UTS2: variants seen among roughly 807,000 people sequenced by gnomAD.
UTS2 encodes the protein urotensin-2.
UTS2 carries 10 observed loss-of-function variants against 12.6 expected under a neutral mutation model. The observed-to-expected ratio is 0.80, with a 90% CI of 0.49 to 1.35. UTS2 has a LOEUF of 1.35. UTS2 is among the 40% of genes most tolerant of loss of function. The probability of loss-of-function intolerance (pLI) is 0.00; values close to 1 mark genes in which losing one functional copy is unlikely to be tolerated. For missense variants in UTS2, 142 were observed against 143.2 expected, an observed-to-expected ratio of 0.99 and a Z score of 0.04; for synonymous variants, 52 against 50.0, an observed-to-expected ratio of 1.04 and a Z score of -0.17.
chr1:7,851,854 C>T (rs2097414501), intron 1 of UTS2, among the ~76,000 whole-genome samples: 1 of 152,224 alleles, frequency 6.6e-6, no homozygotes, highest in Admixed American at 6.5e-5. Context: ...AGATGCTACA[C>T]TCATTTCATC....
At chr1:7,899,674 T>C in the UTS2 span, among the ~76,000 whole-genome samples, 31 of 152,128 alleles carry the variant, frequency 2.0e-4, no homozygotes, top group Non-Finnish European at 4.0e-4. Context: ...CACCTGTCTT[T>C]ATGATCTTTT....
the UTS2 span, among the ~76,000 whole-genome samples, chr1:7,861,780 G>T: frequency 2.6e-5 from 4 of 152,148 alleles, no homozygotes; most frequent in African/African-American, 9.7e-5. Context: ...ACAGCGTCTG[G>T]CAGGTGGTGT....
chr1:7,881,138 T>A, the UTS2 span, among the ~76,000 whole-genome samples: 52,002 of 152,102 alleles, frequency 0.34, 9,616 homozygotes, highest in South Asian at 0.45. Context: ...AGGAACATAC[T>A]TTAACATAAT....
chr1:7,900,781 C>CAA, the UTS2 span, among the ~76,000 whole-genome samples: 6 of 148,366 alleles, frequency 4.0e-5, no homozygotes, highest in African/African-American at 1.5e-4. Context: ...ATTCCATCTC[C>CAA]AAAAAAAAAA....
At chr1:7,865,866 G>C in the UTS2 span, among the ~76,000 whole-genome samples, 1 of 152,148 alleles carries the variant, frequency 6.6e-6, no homozygotes, top group East Asian at 1.9e-4. Flanking sequence ...AGCCCAGGAG[G>C]TCAGGGCTGC....
At chr1:7,889,489 G>C in the UTS2 span, among the ~76,000 whole-genome samples, 2 of 133,136 alleles carry the variant, frequency 1.5e-5, no homozygotes, top group Non-Finnish European at 3.3e-5. Context: ...GAAAAGAAAA[G>C]AAAGTAGAAT....
chr1:7,872,078 G>A, the UTS2 span, among the ~76,000 whole-genome samples: 13,018 of 151,960 alleles, frequency 0.086, 642 homozygotes, highest in South Asian at 0.13. Flanking sequence ...GAGGCGGGTG[G>A]ATCATGAGGT....
the UTS2 span, among the ~76,000 whole-genome samples, chr1:7,875,156 G>T: frequency 6.6e-6 from 1 of 151,336 alleles, no homozygotes; most frequent in Middle Eastern, 3.2e-3. Context: ...CTCACTGCAA[G>T]CTCCGCCTCC....
chr1:7,866,817 C>A, the UTS2 span, among the ~76,000 whole-genome samples: 1 of 152,096 alleles, frequency 6.6e-6, no homozygotes, highest in Admixed American at 6.5e-5. The surrounding 1 kb of genome is among the most constrained non-coding windows in gnomAD (Gnocchi z 4.5). Context: ...ACCATGGTAC[C>A]GGGCCTGGAA....
chr1:7,910,386 A>T, the UTS2 span, among the ~76,000 whole-genome samples: 5 of 150,038 alleles, frequency 3.3e-5, no homozygotes, highest in Non-Finnish European at 7.4e-5. Flanking sequence ...GTCCTGCCTC[A>T]CACCCAGAAG....
At chr1:7,870,126 C>T in the UTS2 span, among the ~76,000 whole-genome samples, 1 of 152,104 alleles carries the variant, frequency 6.6e-6, no homozygotes, top group Non-Finnish European at 1.5e-5. Context: ...TTGTGTACCC[C>T]CAAAACTCAT....
the UTS2 span, among the ~76,000 whole-genome samples, chr1:7,887,747 C>A: frequency 2.7e-5 from 4 of 147,236 alleles, no homozygotes; most frequent in Admixed American, 2.7e-4. Context: ...CAGAGCAAGA[C>A]CCTGTCTCTA....
chr1:7,878,909 G>T, the UTS2 span, among the ~76,000 whole-genome samples: 1 of 152,110 alleles, frequency 6.6e-6, no homozygotes, highest in Admixed American at 6.6e-5. Flanking sequence ...AGTGTTAAAA[G>T]AGACAAATAA....
At chr1:7,863,051 TTG>T in the UTS2 span, among the ~76,000 whole-genome samples, 30 of 57,888 alleles carry the variant, frequency 5.2e-4, no homozygotes, top group African/African-American at 1.4e-3. Flanking sequence ...TTGTATTGTA[TTG>T]TATTGTATTG....
At chr1:7,898,818 T>C in the UTS2 span, among the ~76,000 whole-genome samples, 1 of 152,134 alleles carries the variant, frequency 6.6e-6, no homozygotes, top group African/African-American at 2.4e-5. Flanking sequence ...CATCAGTGCC[T>C]GGAAATGTTC....
the UTS2 span, among the ~76,000 whole-genome samples, chr1:7,880,185 G>C: frequency 3.3e-5 from 5 of 152,140 alleles, no homozygotes; most frequent in Admixed American, 6.6e-5. Flanking sequence ...CTGAGCCCAG[G>C]AGGTCAAGGT....
At chr1:7,885,105 A>T in the UTS2 span, among the ~76,000 whole-genome samples, 1 of 146,956 alleles carries the variant, frequency 6.8e-6, no homozygotes, top group Non-Finnish European at 1.5e-5. Flanking sequence ...TCATCCATGC[A>T]TCCATTCATC....
At chr1:7,892,792 T>G in the UTS2 span, among the ~76,000 whole-genome samples, 2 of 151,952 alleles carry the variant, frequency 1.3e-5, no homozygotes, top group African/African-American at 4.8e-5. Flanking sequence ...CGGCCCCACC[T>G]TTGTCTTTCA....
At chr1:7,902,777 G>A in the UTS2 span, among the ~76,000 whole-genome samples, 6 of 152,008 alleles carry the variant, frequency 3.9e-5, no homozygotes, top group African/African-American at 7.3e-5. Context: ...TAACAGAGGC[G>A]GGCCACTGGC....
Sources: gnomAD v4.1 joint callset for allele counts (sites outside exome capture counted in the v4.1 genomes callset) on GRCh38, gnomAD v4.1.1 for gene constraint, Gnocchi (gnomAD v3.1) non-coding constraint, MANE v1.5 for transcripts, NCBI Gene and HGNC (gene_info 2026-07-23, HGNC 2026-07-21) for gene names.